The following GRAMD1B variants were observed in gnomAD, a reference collection of about 807,000 sequenced individuals.
GRAMD1B encodes protein Aster-B.
In GRAMD1B, 37 loss-of-function variants were observed where a neutral mutation model predicts 99.7. The ratio of observed to expected loss-of-function variants is 0.37; its 90% CI spans 0.29 to 0.49. The LOEUF is 0.49. Ranked by LOEUF, GRAMD1B falls within the 20% of genes least tolerant of loss-of-function variation. The probability of loss-of-function intolerance (pLI) is 0.98; values close to 1 mark genes in which losing one functional copy is unlikely to be tolerated. For missense variants in GRAMD1B, 888 were observed against 1,009.2 expected (o/e 0.88, Z 1.63); for synonymous variants, 427 against 387.6 (o/e 1.10, Z -1.19).
chr11:123,434,230 C>CAAA (rs33942028), intron 1 of GRAMD1B, among the ~76,000 whole-genome samples: 16 of 73,016 alleles, frequency 2.2e-4, no homozygotes, highest in East Asian at 4.7e-4. Context: ...ACTCCGTTTC[C>CAAA]AAAAAAAAAA....
In GRAMD1B at chr11:123,583,453, TATGA is replaced by T. The variant is rs1473101525; in HGVS notation, c.664-858_664-855del. On this transcript the variant is annotated intron_variant, in intron 3 of 19. Coordinates refer to ENST00000635736, the MANE Select transcript of GRAMD1B (RefSeq NM_001387025.1). ...ACTTGTGTATTTGTGCGTGTATGTGTATGAGTATGTGTGTGTATATGTGCACACA... is the reference window on the plus strand; with the variant it reads ...ACTTGTGTATTTGTGCGTGTATGTGTGTATGTGTGTGTATATGTGCACACA... Among the ~76,000 whole-genome samples, 11 of 152,220 alleles carry T rather than the reference TATGA, an allele frequency of 7.2e-5. No homozygotes were observed. The South Asian group carries it at 1.5e-3, about 20-fold the overall frequency.
intron 2 of GRAMD1B, among the ~76,000 whole-genome samples, chr11:123,539,186 CT>C (rs1944263764): frequency 6.6e-6 from 1 of 152,078 alleles, no homozygotes; most frequent in Admixed American, 6.5e-5. Context: ...CATAATCATG[CT>C]ACTATACTCT....
At position 123,431,014 on chromosome 11, in the gene GRAMD1B, C is replaced by T. The variant is rs1319002844; in HGVS notation, c.222C>T (p.Phe74=). The T allele has an allele frequency of 2.8e-6, 2 of 702,870 alleles. No individual in the cohort carries two copies. Among genetic ancestry groups the T allele is most frequent in the African/African-American group, 3.5e-5 (2 of 57,276 alleles). The allele number at this position is 702,870 out of a possible 1,614,324, so 43.5% of individuals were successfully genotyped here. A position where few individuals can be genotyped will look rare whatever the true frequency, so the allele number is the denominator to read the frequency against. The change falls in exon 1 of 20, where the codon TTC becomes TTT. Residue 74 remains phenylalanine, a synonymous_variant. Transcript: ENST00000635736. ...LPAVLAPGKE[F]LQLPSIEITP... is the part of the protein sequence containing the mutation. ...CCGTCTTGGCCCCCGGCAAGGAGTT[C>T]CTGCAGCTGCCGTCCATCGAGATCA...
At chr11:123,557,742 C>G (rs1324152207) in intron 2 of GRAMD1B, among the ~76,000 whole-genome samples, 1 of 152,132 alleles carries the variant, frequency 6.6e-6, no homozygotes, top group Non-Finnish European at 1.5e-5. Flanking sequence ...TGTCTGGTCC[C>G]TGACATACGG....
At chr11:123,419,669 G>C (rs887798592) in intron 1 of GRAMD1B, among the ~76,000 whole-genome samples, 1 of 151,204 alleles carries the variant, frequency 6.6e-6, no homozygotes, top group Non-Finnish European at 1.5e-5. Context: ...ACCAGTGTCT[G>C]GTGCAAGAAG....
At chr11:123,597,946 G>A (rs1951489256) in intron 7 of GRAMD1B, 1 of 1,113,246 alleles carries the variant, frequency 9.0e-7, no homozygotes, top group African/African-American at 1.5e-5. Context: ...CTGAACACTA[G>A]AGCAGTCCTT....
chr11:123,525,466 G>C (rs1157176082), intron 2 of GRAMD1B, among the ~76,000 whole-genome samples: 1 of 152,138 alleles, frequency 6.6e-6, no homozygotes, highest in East Asian at 1.9e-4. Context: ...GATGCTGACA[G>C]AAGTGCTCAA....
intron 2 of GRAMD1B, among the ~76,000 whole-genome samples, chr11:123,573,776 T>C (rs1168651492): frequency 6.6e-6 from 1 of 152,216 alleles, no homozygotes; most frequent in Non-Finnish European, 1.5e-5. Context: ...GTTTAGTTAT[T>C]TTTATGAATA....
At chr11:123,603,698 G>A (rs1172153696) in intron 9 of GRAMD1B, among the ~76,000 whole-genome samples, 157 bp downstream of exon 9, 4 of 152,232 alleles carry the variant, frequency 2.6e-5, no homozygotes, top group Non-Finnish European at 5.9e-5. Flanking sequence ...CAGGGAGCTC[G>A]AGGGGGCAGA....
intron 7 of GRAMD1B, chr11:123,598,960 A>T (rs1405552176): frequency 1.3e-5 from 14 of 1,047,324 alleles, no homozygotes; most frequent in Non-Finnish European, 2.1e-5. Context: ...TCTAAGATGG[A>T]CAGGTATGTG....
chr11:123,426,315 C>G (rs1384070402), upstream of GRAMD1B, among the ~76,000 whole-genome samples: 1 of 152,154 alleles, frequency 6.6e-6, no homozygotes, highest in Non-Finnish European at 1.5e-5. Context: ...GTCATTCAGG[C>G]CAGTCCTTAA....
chr11:123,495,774 C>T (rs1237652758), intron 2 of GRAMD1B, among the ~76,000 whole-genome samples: 1 of 149,640 alleles, frequency 6.7e-6, no homozygotes, highest in African/African-American at 2.5e-5. Context: ...CAAATACTAT[C>T]TTATAACCCA....
chr11:123,533,867 G>A (rs549193096), intron 2 of GRAMD1B, among the ~76,000 whole-genome samples: 2 of 152,382 alleles, frequency 1.3e-5, no homozygotes, highest in African/African-American at 4.8e-5. Flanking sequence ...AAAAGTGTTT[G>A]AGCTGGTAGT....
At chr11:123,426,505 C>G (rs118129327), upstream of GRAMD1B, among the ~76,000 whole-genome samples, 3 of 152,174 alleles carry the variant, frequency 2.0e-5, no homozygotes, top group Admixed American at 2.0e-4. Context: ...CGTTTCTGTC[C>G]GTATTTCCAG....
At chr11:123,528,700 T>A (rs928984399) in intron 2 of GRAMD1B, among the ~76,000 whole-genome samples, 11 of 152,196 alleles carry the variant, frequency 7.2e-5, no homozygotes, top group Non-Finnish European at 1.6e-4. Context: ...CTTTTTTTTT[T>A]ATGTTCTGTT....
intron 2 of GRAMD1B, among the ~76,000 whole-genome samples, chr11:123,554,544 A>G (rs942364419): frequency 8.0e-5 from 12 of 149,432 alleles, no homozygotes; most frequent in African/African-American, 2.9e-4. Context: ...AAAAAAAAAA[A>G]AGAAAGAAAG....
At chr11:123,550,537 G>A (rs758224983) in intron 2 of GRAMD1B, among the ~76,000 whole-genome samples, 5 of 152,132 alleles carry the variant, frequency 3.3e-5, no homozygotes, top group South Asian at 2.1e-4. Context: ...AAGCCGGCTC[G>A]TTGTCTCTGG....
Position 123,613,570 on chromosome 11 carries a change from C to T in GRAMD1B, c.2139C>T (p.His713=). 3 of 1,613,848 alleles carry T rather than the reference C, an allele frequency of 1.9e-6. No homozygotes were observed. The highest frequency in any genetic ancestry group is 2.2e-5 in the South Asian group (2 of 91,050). ...GGAGGAGGAAGCGTCCCCATGCCCA[C>T]CTGCGAGTCCCTCACCTGGAAGAGG... ...TVRRRKRPHA[H]LRVPHLEEVM... The change falls in exon 16 of 20, where the codon CAC becomes CAT. Residue 713 remains histidine (H), a synonymous_variant. Transcript: ENST00000635736.
intron 1 of GRAMD1B, 135 bp downstream of exon 1, chr11:123,431,301 C>A (rs1428975519): frequency 1.7e-6 from 1 of 591,938 alleles, no homozygotes; most frequent in Admixed American, 3.0e-5. Flanking sequence ...CTGGAGGGCG[C>A]TGCGCCTGGT....
Sources: gnomAD v4.1 joint callset for allele counts (sites outside exome capture counted in the v4.1 genomes callset) on GRCh38, gnomAD v4.1.1 for gene constraint, MANE v1.5 for transcripts, NCBI Gene and HGNC (gene_info 2026-07-23, HGNC 2026-07-21) for gene names.